The following ARNT2 variants were observed in gnomAD, a reference collection of about 807,000 sequenced individuals.
The protein encoded by ARNT2 is ARNT protein 2.
ARNT2 carries 36 observed loss-of-function variants against 91.7 expected under a neutral mutation model. That is an observed-to-expected ratio of 0.39 (90% CI 0.30 to 0.52). The LOEUF (loss-of-function observed/expected upper bound fraction) is 0.52. ARNT2 is among the 20% of genes least tolerant of loss of function. The pLI is 0.72. For missense variants in ARNT2, 775 were observed against 939.3 expected (o/e 0.83, Z 2.29); for synonymous variants, 365 against 347.1 (o/e 1.05, Z -0.57).
Position 80,489,109 on chromosome 15 carries a change from G to A in ARNT2, c.622+13886G>A, listed in dbSNP as rs901929960. ...ATTTAGATTTCAGTAATCATCTCACGTGATAGTCATATTTTGTAATACTTT... is the reference window on the plus strand; with the variant it reads ...ATTTAGATTTCAGTAATCATCTCACATGATAGTCATATTTTGTAATACTTT... On this transcript the variant is annotated intron_variant, in intron 5 of 18. Transcript: ENST00000303329. Among the ~76,000 whole-genome samples the A allele has an allele frequency of 6.6e-5, 10 of 152,300 alleles. 1 individual carries two copies. The East Asian group carries it at 7.7e-4, about 12-fold the overall frequency.
chr15:80,515,952 C>T (rs1262996135), intron 8 of ARNT2, among the ~76,000 whole-genome samples: 1 of 151,496 alleles, frequency 6.6e-6, no homozygotes, highest in African/African-American at 2.4e-5. Context: ...TCACTGCAAC[C>T]TCCACCTCCC....
chr15:80,415,898 C>A (rs1268605677), intron 1 of ARNT2, among the ~76,000 whole-genome samples: 4 of 152,066 alleles, frequency 2.6e-5, no homozygotes, highest in Non-Finnish European at 5.9e-5. Flanking sequence ...GTTTAAGGCA[C>A]CTTGAGCTCA....
chr15:80,469,675 TGCGATCTCA>T (rs1330690029), intron 3 of ARNT2, among the ~76,000 whole-genome samples: 1 of 152,160 alleles, frequency 6.6e-6, no homozygotes, highest in Non-Finnish European at 1.5e-5. Flanking sequence ...AGTGCAGTGG[TGCGATCTCA>T]GCTTACTGCA....
At chr15:80,514,125 G>T in intron 7 of ARNT2, 149 bp downstream of exon 7, 1 of 967,866 alleles carries the variant, frequency 1.0e-6, no homozygotes. Flanking sequence ...AGATGAGAGA[G>T]AACAGGGAGT....
Position 80,591,028 on chromosome 15 carries a change from C to T in ARNT2, c.1919-540C>T, listed in dbSNP as rs1004334617. On this transcript the variant is annotated intron_variant, in intron 17 of 18. Transcript: ENST00000303329. This position sits in a 1 kb window ranked among gnomAD's most constrained non-coding sequence, Gnocchi z 5.1. ...TGCGTGTGTGGCTTCCGAGGAGTTGCTCGGGGGCAGAGGCTGAGGTTGGGA... is the reference window on the plus strand; with the variant it reads ...TGCGTGTGTGGCTTCCGAGGAGTTGTTCGGGGGCAGAGGCTGAGGTTGGGA... 6.6e-6 allele frequency among the ~76,000 whole-genome samples: 1 copy of T among 152,176 alleles called. No homozygotes were observed. The highest frequency in any genetic ancestry group is 1.5e-5 in the Non-Finnish European group (1 of 68,030).
intron 2 of ARNT2, among the ~76,000 whole-genome samples, chr15:80,451,733 C>CCAACCAAT (rs1236967438): frequency 6.6e-6 from 1 of 152,024 alleles, no homozygotes. Context: ...AACCAACCAA[C>CCAACCAAT]CAACCAATCA....
At chr15:80,562,459 C>G (rs1230256281) in intron 11 of ARNT2, among the ~76,000 whole-genome samples, 1 of 152,154 alleles carries the variant, frequency 6.6e-6, no homozygotes, top group Non-Finnish European at 1.5e-5. Context: ...TAAAACTCAT[C>G]TTACCAAACT....
intron 5 of ARNT2, among the ~76,000 whole-genome samples, chr15:80,498,784 C>T (rs1461294774): frequency 2.6e-5 from 4 of 152,234 alleles, no homozygotes; most frequent in African/African-American, 9.6e-5. Flanking sequence ...GATCCTGAAA[C>T]AGCCACAAGC....
At chr15:80,425,864 A>G (rs1895925504) in intron 1 of ARNT2, among the ~76,000 whole-genome samples, 1 of 152,194 alleles carries the variant, frequency 6.6e-6, no homozygotes, top group South Asian at 2.1e-4. Flanking sequence ...CCTGGGCAAC[A>G]TAGTGAGACC....
chr15:80,578,678 T>C (rs963237307), intron 15 of ARNT2, among the ~76,000 whole-genome samples: 7 of 151,400 alleles, frequency 4.6e-5, no homozygotes, highest in African/African-American at 1.5e-4. Context: ...GAAAAGCAGG[T>C]TTGGGGCAGC....
In ARNT2 at chr15:80,543,094, C is replaced by CAA. The variant is rs368917679; in HGVS notation, c.878-8079_878-8078dup. On this transcript the variant is annotated intron_variant, in intron 8 of 18. Transcript: ENST00000303329. ...CCTGGATAACAGAGCCAGACCCGGT[C>CAA]AAAAAAAAAAAAAAAAAAAAAAAAA... 7.0e-4 allele frequency among the ~76,000 whole-genome samples: 61 copies of CAA among 86,648 alleles called. 2 individuals are homozygous for CAA. In the South Asian group the frequency reaches 0.012, roughly 16 times the overall value. The allele number at this position is 86,648 out of a possible 152,430, so 56.8% of individuals were successfully genotyped here. A position where few individuals can be genotyped will look rare whatever the true frequency, so the allele number is the denominator to read the frequency against.
chr15:80,597,520 C>A lies in ARNT2; in HGVS notation c.*3822C>A. The A allele has an allele frequency of 3.2e-6, 1 of 310,068 alleles. No homozygotes were observed. Among genetic ancestry groups the A allele is most frequent in the South Asian group, 2.7e-5 (1 of 37,126 alleles). The allele number at this position is 310,068 out of a possible 1,614,324, so 19.2% of individuals were successfully genotyped here. A position where few individuals can be genotyped will look rare whatever the true frequency, so the allele number is the denominator to read the frequency against. On this transcript the variant is annotated 3_prime_UTR_variant, in exon 19 of 19. Transcript: ENST00000303329. ...GAGTCTGGGGCAACTTAAGGAGGCA[C>A]CACACAGTGGTGCAGGCACATTTCC...
intron 3 of ARNT2, 78 bp downstream of exon 3, chr15:80,458,054 G>A (rs1477575675): frequency 1.1e-5 from 16 of 1,485,486 alleles, no homozygotes; most frequent in African/African-American, 8.4e-5. Context: ...AGAATGTAAC[G>A]TCTTTTGTCA....
At chr15:80,418,122 A>G (rs1215859393) in intron 1 of ARNT2, among the ~76,000 whole-genome samples, 1 of 152,184 alleles carries the variant, frequency 6.6e-6, no homozygotes, top group African/African-American at 2.4e-5. Context: ...ATTGAAAGGC[A>G]TCTTACCAGC....
In ARNT2 at chr15:80,594,157, A is replaced by C. The variant is rs1893333334; in HGVS notation, c.*459A>C. 1 of 160,936 alleles carries C rather than the reference A, an allele frequency of 6.2e-6. No homozygotes were observed. The highest frequency in any genetic ancestry group is 1.4e-5 in the Non-Finnish European group (1 of 73,676). The allele number at this position is 160,936 out of a possible 1,614,324, so 10.0% of individuals were successfully genotyped here. A position where few individuals can be genotyped will look rare whatever the true frequency, so the allele number is the denominator to read the frequency against. On this transcript the variant is annotated 3_prime_UTR_variant, in exon 19 of 19. Coordinates refer to ENST00000303329, the MANE Select transcript of ARNT2 (RefSeq NM_014862.4). ...GGGAATGCTGGGAAAATGGGCAAGC[A>C]GAGTGCACAGCCCTCGTTCTGCCAG...
At chr15:80,578,799 G>A (rs1166888131) in intron 15 of ARNT2, among the ~76,000 whole-genome samples, 1 of 152,172 alleles carries the variant, frequency 6.6e-6, no homozygotes, top group African/African-American at 2.4e-5. Context: ...AAATGACTGA[G>A]TTAATTAAAG....
intron 1 of ARNT2, among the ~76,000 whole-genome samples, chr15:80,408,436 CAG>C (rs1266843945): frequency 6.6e-6 from 1 of 152,146 alleles, no homozygotes; most frequent in Non-Finnish European, 1.5e-5. Flanking sequence ...CTTTTGAAGA[CAG>C]AGATTTTGAC....
intron 14 of ARNT2, among the ~76,000 whole-genome samples, chr15:80,575,803 G>A (rs909328845): frequency 8.5e-5 from 13 of 152,150 alleles, no homozygotes; most frequent in East Asian, 1.9e-4. Flanking sequence ...CACCTGCTGC[G>A]GCACCTGCTG....
rs1416191952 is a variant in ARNT2 at position 80,594,632 on chromosome 15, T to C, written c.*934T>C. The stretch of plus-strand genomic sequence containing the variant: ...AAGGGAGCACTCACCCTCCTCCCAA[T>C]TGGATCTGAATAGCTGTGTTCCTGA... On this transcript the variant is annotated 3_prime_UTR_variant, in exon 19 of 19. Transcript: ENST00000303329. 6.6e-6 allele frequency: 1 copy of C among 152,308 alleles called. No homozygotes were observed. Among genetic ancestry groups the C allele is most frequent in the East Asian group, 1.9e-4 (1 of 5,192 alleles). The allele number at this position is 152,308 out of a possible 1,614,324, so 9.4% of individuals were successfully genotyped here.
Sources: allele counts gnomAD v4.1 joint callset (sites outside exome capture counted in the v4.1 genomes callset), GRCh38; gene constraint gnomAD v4.1.1; non-coding constraint Gnocchi (gnomAD v3.1); transcripts MANE v1.5; gene names NCBI Gene and HGNC (gene_info 2026-07-23, HGNC 2026-07-21).